The following WWOX variants were observed in gnomAD, a reference collection of about 807,000 sequenced individuals.
WWOX encodes the protein WW domain-containing oxidoreductase.
A neutral mutation model predicts 46.2 loss-of-function variants in WWOX; 69 were observed. That is an observed-to-expected ratio of 1.49 (90% CI 1.23 to 1.82). The LOEUF (loss-of-function observed/expected upper bound fraction) is 1.82, where lower values mean the gene tolerates loss of function less well. Among genes scored for constraint, WWOX ranks in the 40% most tolerant of loss-of-function variants. WWOX has a pLI of 0.00. For missense variants in WWOX, 919 were observed against 542.6 expected, an observed-to-expected ratio of 1.69 and a Z score of -6.89; for synonymous variants, 359 against 202.6, an observed-to-expected ratio of 1.77 and a Z score of -6.56.
At chr16:78,112,762 C>G (rs1232922187) in intron 3 of WWOX, among the ~76,000 whole-genome samples, 1 of 149,396 alleles carries the variant, frequency 6.7e-6, no homozygotes, top group African/African-American at 2.5e-5. Context: ...TGCAGTGACA[C>G]AGTCACAGCT....
chr16:78,849,211 A>C (rs59584899), intron 8 of WWOX, among the ~76,000 whole-genome samples: 1 of 152,018 alleles, frequency 6.6e-6, no homozygotes, highest in South Asian at 2.1e-4. Context: ...GGGAGCACTC[A>C]CCTTTGGGCA....
At chr16:78,477,580 A>G (rs990793226) in intron 8 of WWOX, among the ~76,000 whole-genome samples, 1 of 152,014 alleles carries the variant, frequency 6.6e-6, no homozygotes, top group Admixed American at 6.6e-5. Flanking sequence ...TAATAAAACT[A>G]ATTTCCAGGG....
chr16:78,922,893 A>T (rs1490032703), intron 8 of WWOX, among the ~76,000 whole-genome samples: 2 of 152,230 alleles, frequency 1.3e-5, no homozygotes, highest in Non-Finnish European at 2.9e-5. Context: ...ACTAAAAATA[A>T]GAACTTAAAA....
chr16:78,994,431 G>C (rs2046947952), intron 8 of WWOX: 1 of 152,110 alleles, frequency 6.6e-6, no homozygotes, highest in Non-Finnish European at 1.5e-5. Context: ...ATTTTTATCG[G>C]TTCACGTATT....
At chr16:78,987,375 T>C (rs534082249) in intron 8 of WWOX, among the ~76,000 whole-genome samples, 14 of 152,334 alleles carry the variant, frequency 9.2e-5, no homozygotes, top group Admixed American at 6.5e-4. Flanking sequence ...TTTAAGAATA[T>C]TTTCCTAGCA....
intron 8 of WWOX, among the ~76,000 whole-genome samples, chr16:78,481,369 C>G (rs1276735836): frequency 2.0e-5 from 3 of 151,996 alleles, no homozygotes; most frequent in African/African-American, 7.3e-5. Context: ...TATCCTCTGC[C>G]TACTAGAAGG....
intron 8 of WWOX, among the ~76,000 whole-genome samples, chr16:78,966,074 G>C (rs1245001289): frequency 6.6e-6 from 1 of 152,188 alleles, no homozygotes; most frequent in Non-Finnish European, 1.5e-5. Flanking sequence ...GACCAGCTCT[G>C]AGGATTCCAA....
chr16:78,779,050 T>C (rs2050261477), intron 8 of WWOX, among the ~76,000 whole-genome samples: 1 of 152,214 alleles, frequency 6.6e-6, no homozygotes, highest in South Asian at 2.1e-4. Context: ...TGTGGAATGT[T>C]ATAGCCGGAA....
chr16:78,907,757 G>C (rs547230256), intron 8 of WWOX, among the ~76,000 whole-genome samples: 1 of 152,196 alleles, frequency 6.6e-6, no homozygotes, highest in Admixed American at 6.5e-5. Context: ...GGGTTTCTCT[G>C]AGGAGATCCC....
At chr16:79,092,368 A>G (rs1370171002) in intron 8 of WWOX, among the ~76,000 whole-genome samples, 1 of 152,204 alleles carries the variant, frequency 6.6e-6, no homozygotes, top group Admixed American at 6.5e-5. Context: ...GCAGCCGCCT[A>G]GCCTGTGGTC....
At chr16:78,578,523 C>T (rs562051175) in intron 8 of WWOX, among the ~76,000 whole-genome samples, 6 of 151,568 alleles carry the variant, frequency 4.0e-5, no homozygotes, top group East Asian at 1.9e-4. Context: ...CTCCTGGCCT[C>T]GTGATTCACC....
intron 8 of WWOX, among the ~76,000 whole-genome samples, chr16:79,119,909 T>C (rs2049593676): frequency 6.6e-6 from 1 of 152,172 alleles, no homozygotes; most frequent in South Asian, 2.1e-4. Context: ...GGCAGTGGGC[T>C]GGGCAGGAGA....
intron 8 of WWOX, among the ~76,000 whole-genome samples, chr16:78,739,163 T>A (rs575346825): frequency 6.6e-6 from 1 of 152,126 alleles, no homozygotes; most frequent in East Asian, 1.9e-4. Flanking sequence ...TTCCCAGAGC[T>A]AGGACCATGA....
intron 8 of WWOX, among the ~76,000 whole-genome samples, chr16:78,969,920 A>G (rs1279406102): frequency 6.6e-6 from 1 of 152,190 alleles, no homozygotes; most frequent in African/African-American, 2.4e-5. Context: ...AATGTTGTAA[A>G]GTTGATTGTG....
intron 8 of WWOX, among the ~76,000 whole-genome samples, chr16:78,894,005 T>A (rs185639519): frequency 8.1e-6 from 1 of 123,324 alleles, no homozygotes. Flanking sequence ...TAGAGTAATG[T>A]CTTTTATTGA....
intron 8 of WWOX, among the ~76,000 whole-genome samples, chr16:78,793,284 C>G (rs1315236330): frequency 6.6e-6 from 1 of 152,144 alleles, no homozygotes; most frequent in Non-Finnish European, 1.5e-5. Flanking sequence ...TGGTCTGGAA[C>G]TCCTGGGCTC....
intron 8 of WWOX, among the ~76,000 whole-genome samples, chr16:78,916,524 C>G (rs1470495758): frequency 1.3e-5 from 2 of 152,068 alleles, no homozygotes; most frequent in African/African-American, 2.4e-5. Flanking sequence ...GTAGAGTGAC[C>G]TTATAATTTA....
intron 5 of WWOX, among the ~76,000 whole-genome samples, chr16:78,233,614 C>T (rs998517779): frequency 6.6e-6 from 1 of 150,774 alleles, no homozygotes; most frequent in South Asian, 2.1e-4. Flanking sequence ...GCAAGCTCCG[C>T]CTCCCGGGTT....
At chr16:78,500,367 A>G (rs147929019) in intron 8 of WWOX, among the ~76,000 whole-genome samples, 4 of 151,838 alleles carry the variant, frequency 2.6e-5, no homozygotes, top group Non-Finnish European at 5.9e-5. Context: ...AATACAGCCA[A>G]CATTTTTGCA....
Sources: gnomAD v4.1 joint callset for allele counts (sites outside exome capture counted in the v4.1 genomes callset) on GRCh38, gnomAD v4.1.1 for gene constraint, MANE v1.5 for transcripts, NCBI Gene and HGNC (gene_info 2026-07-23, HGNC 2026-07-21) for gene names.